Variants in SENP6 observed in about 807,000 individuals in gnomAD.
The protein encoded by SENP6 is SUMO specific peptidase 6, also known as sentrin-specific protease 6.
Under a neutral mutation model 134.5 loss-of-function variants are expected in SENP6, and 41 were observed. The ratio of observed to expected loss-of-function variants is 0.30; its 90% confidence interval spans 0.24 to 0.40. The LOEUF is 0.40. Among genes scored for constraint, SENP6 ranks in the 10% least tolerant of loss-of-function variants. The pLI is 1.00. For synonymous variants in SENP6, 395 were observed against 429.8 expected (o/e 0.92, Z 1.00); for missense variants, 1,248 against 1,312.5 (o/e 0.95, Z 0.76).
intron 6 of SENP6, 36 bp downstream of exon 6, chr6:75,640,740 T>C: frequency 7.7e-7 from 1 of 1,301,746 alleles, no homozygotes; most frequent in Non-Finnish European, 1.1e-6. Flanking sequence ...AGCATGGATA[T>C]AGTGGTAAAA....
chr6:75,697,604 A>G (rs752800757), intron 18 of SENP6, 87 bp downstream of exon 18: 2 of 836,556 alleles, frequency 2.4e-6, no homozygotes, highest in Admixed American at 4.9e-5. Context: ...TGAAGAATTC[A>G]TTTTAAAACA....
rs1394289764 is a variant in SENP6, at chr6:75,602,471, C to T, written c.-54C>T. 3.2e-6 allele frequency: 5 copies of T among 1,545,324 alleles called. No individual in the cohort carries two copies. The highest frequency in any genetic ancestry group is 1.7e-6 in the Non-Finnish European group (2 of 1,143,418). On this transcript the variant is annotated 5_prime_UTR_variant, in exon 1 of 24. Coordinates refer to ENST00000447266, the MANE Select transcript of SENP6 (RefSeq NM_015571.4). ...CGGCGCGGCCCCTCATCCCGGCGAG[C>T]ACGGCGGCGGTGTGGGCCATGGATT...
At chr6:75,696,512 C>G (rs1774674839) in intron 17 of SENP6, among the ~76,000 whole-genome samples, 1 of 152,138 alleles carries the variant, frequency 6.6e-6, no homozygotes, top group Non-Finnish European at 1.5e-5. Flanking sequence ...GGGTCTCACT[C>G]TGTCACCCAG....
rs1192791197 is a variant in SENP6, at chr6:75,717,045, A to G, written c.*1451A>G. The G allele has an allele frequency of 1.3e-5, 2 of 151,976 alleles. No individual in the cohort carries two copies. The highest frequency in any genetic ancestry group is 4.8e-5 in the African/African-American group (2 of 41,440). 9.4% of individuals were successfully genotyped at this position (151,976 alleles called of 1,614,324 possible). On this transcript the variant is annotated 3_prime_UTR_variant, in exon 24 of 24. Coordinates refer to ENST00000447266, the MANE Select transcript of SENP6 (RefSeq NM_015571.4). ...AATGTAAGAAAGGTCACCATTAGTG[A>G]TATCAACTGTAGTTTGTTACTTTGA...
intron 7 of SENP6, 74 bp downstream of exon 7, chr6:75,647,875 C>A: frequency 8.5e-7 from 1 of 1,172,646 alleles, no homozygotes; most frequent in Non-Finnish European, 1.3e-6. Context: ...AGATACGATG[C>A]TGGCTTTAGA....
At chr6:75,671,979 CT>C (rs1772715634) in intron 11 of SENP6, among the ~76,000 whole-genome samples, 4 of 152,142 alleles carry the variant, frequency 2.6e-5, no homozygotes, top group Non-Finnish European at 4.4e-5. Context: ...AATTTAAAAA[CT>C]AAAGTTTCAG....
At chr6:75,642,372 G>A (rs574838052) in intron 6 of SENP6, among the ~76,000 whole-genome samples, 2 of 152,308 alleles carry the variant, frequency 1.3e-5, no homozygotes, top group Non-Finnish European at 2.9e-5. Context: ...TCTTTAAATC[G>A]CATATTCAGG....
chr6:75,670,987 A>ATT (rs1772631370), intron 11 of SENP6, among the ~76,000 whole-genome samples: 1 of 151,800 alleles, frequency 6.6e-6, no homozygotes, highest in African/African-American at 2.4e-5. Context: ...CCAATATGTT[A>ATT]GTTTTAGTAT....
At chr6:75,669,638 A>G (rs1250539625) in intron 10 of SENP6, among the ~76,000 whole-genome samples, 1 of 152,178 alleles carries the variant, frequency 6.6e-6, no homozygotes, top group Admixed American at 6.5e-5. Flanking sequence ...ATAAATTTCT[A>G]TTTGGAAGTG....
intron 14 of SENP6, chr6:75,678,363 A>G (rs559940625): frequency 1.2e-5 from 5 of 413,418 alleles, no homozygotes; most frequent in East Asian, 4.8e-5. Context: ...TTACTGTTAC[A>G]TAAGTTGGGA....
chr6:75,616,614 C>T (rs1767865276), intron 1 of SENP6, among the ~76,000 whole-genome samples: 1 of 151,936 alleles, frequency 6.6e-6, no homozygotes, highest in South Asian at 2.1e-4. Context: ...GGCGTGGTAG[C>T]ATGCGCCTGT....
Position 75,709,497 on chromosome 6 carries a change from T to C in SENP6, c.2717-30T>C, listed in dbSNP as rs779913295. 2.0e-6 allele frequency: 3 copies of C among 1,502,032 alleles called. No homozygotes were observed. The South Asian group carries it at 3.4e-5, about 17-fold the overall frequency. 93.0% of individuals were successfully genotyped at this position (1,502,032 alleles called of 1,614,324 possible). A position where few individuals can be genotyped will look rare whatever the true frequency, so the allele number is the denominator to read the frequency against. Reference sequence around the variant, plus strand: ...ACTATGAGTGATAGACATGGCCTTTTTTATTATGTAATGTTTCTTATTGAT... The same window carrying C: ...ACTATGAGTGATAGACATGGCCTTTCTTATTATGTAATGTTTCTTATTGAT... On this transcript the variant is annotated intron_variant, in intron 19 of 23. Coordinates refer to ENST00000447266, the MANE Select transcript of SENP6 (RefSeq NM_015571.4).
At chr6:75,665,285 CAA>C (rs35079953) in intron 9 of SENP6, among the ~76,000 whole-genome samples, 90 of 89,838 alleles carry the variant, frequency 1.0e-3, no homozygotes, top group African/African-American at 2.5e-3. Flanking sequence ...GACTCCGTCT[CAA>C]AAAAAAAAAA....
Position 75,620,574 on chromosome 6 carries a change from C to T in SENP6, c.53-958C>T, listed in dbSNP as rs905497432. ...ATCTAATCAGCTCACACAGGCCCCA[C>T]CTCTTAATACCATCTGTATCTTGGG... On this transcript the variant is annotated intron_variant, in intron 1 of 23. Coordinates refer to ENST00000447266, the MANE Select transcript of SENP6 (RefSeq NM_015571.4). The T allele has an allele frequency of 3.9e-5, 6 of 152,148 alleles. No homozygotes were observed. The South Asian group carries it at 1.0e-3, about 26-fold the overall frequency. 9.4% of individuals were successfully genotyped at this position (152,148 alleles called of 1,614,324 possible).
chr6:75,623,872 TG>T lies in SENP6; in HGVS notation c.147-27del, dbSNP rs763225165. The T allele has an allele frequency of 1.9e-6, 3 of 1,570,420 alleles. No individual in the cohort carries two copies. In the South Asian group the frequency reaches 3.5e-5, roughly 18 times the overall value. ...ATATAAGGATTGTGATTGCTACTTATGTTTTTTTCCCCTTATTTTCTGTGTA... is the reference window on the plus strand; with the variant it reads ...ATATAAGGATTGTGATTGCTACTTATTTTTTTTCCCCTTATTTTCTGTGTA... On this transcript the variant is annotated intron_variant, in intron 2 of 23. Coordinates refer to ENST00000447266, the MANE Select transcript of SENP6 (RefSeq NM_015571.4).
intron 7 of SENP6, among the ~76,000 whole-genome samples, chr6:75,650,593 A>G (rs943867191): frequency 1.3e-5 from 2 of 152,174 alleles, no homozygotes; most frequent in Non-Finnish European, 2.9e-5. Context: ...ATAGCTGTGG[A>G]CTCATTATTA....
At chr6:75,677,684 A>G (rs1206377557) in intron 14 of SENP6, 2 of 155,686 alleles carry the variant, frequency 1.3e-5, no homozygotes, top group Non-Finnish European at 2.8e-5. Flanking sequence ...AGAGATGAAG[A>G]ATACATGCTA....
intron 4 of SENP6, among the ~76,000 whole-genome samples, chr6:75,634,024 T>C (rs1769314564): frequency 6.6e-6 from 1 of 152,158 alleles, no homozygotes; most frequent in Non-Finnish European, 1.5e-5. Flanking sequence ...AGAAGCACAA[T>C]AGAGTGGTGT....
intron 1 of SENP6, among the ~76,000 whole-genome samples, chr6:75,607,401 T>C (rs1386920752): frequency 2.0e-5 from 3 of 152,166 alleles, no homozygotes; most frequent in African/African-American, 4.8e-5. Context: ...CAAAGGTGAT[T>C]GATGGTGGCT....
Sources: gnomAD v4.1 joint callset for allele counts (sites outside exome capture counted in the v4.1 genomes callset) on GRCh38, gnomAD v4.1.1 for gene constraint, MANE v1.5 for transcripts, NCBI Gene and HGNC (gene_info 2026-07-23, HGNC 2026-07-21) for gene names.